RBFOX3: variants seen among roughly 807,000 people sequenced by gnomAD.
RBFOX3 encodes RNA binding protein fox-1 homolog 3.
A neutral mutation model predicts 48.7 loss-of-function variants in RBFOX3; 17 were observed. That is an observed-to-expected ratio of 0.35 (90% CI 0.24 to 0.52). RBFOX3 has a LOEUF of 0.52. Among genes scored for constraint, RBFOX3 ranks in the 20% least tolerant of loss-of-function variants. The pLI is 0.94. For synonymous variants in RBFOX3, 212 were observed against 209.5 expected, an observed-to-expected ratio of 1.01 and a Z score of -0.10; for missense variants, 382 against 497.5, an observed-to-expected ratio of 0.77 and a Z score of 2.21.
intron 12 of RBFOX3, among the ~76,000 whole-genome samples, 163 bp from the exon 13 acceptor site, chr17:79,095,737 C>T (rs943964035): frequency 3.9e-5 from 6 of 152,208 alleles, no homozygotes; most frequent in Non-Finnish European, 8.8e-5. Context: ...TAGGTGGTAC[C>T]TGGCCTGGGC....
rs1028595370 is a variant in RBFOX3 at position 79,363,734 on chromosome 17, G to C, written c.-174-55910C>G. Among the ~76,000 whole-genome samples the C allele has an allele frequency of 6.6e-6, 1 of 151,932 alleles. No homozygotes were observed. The highest frequency in any genetic ancestry group is 1.5e-5 in the Non-Finnish European group (1 of 67,964). On this transcript the variant is annotated intron_variant, in intron 2 of 14. Coordinates refer to ENST00000693108, the MANE Select transcript of RBFOX3 (RefSeq NM_001350451.2). The surrounding 1 kb of genome is among the most constrained non-coding windows in gnomAD (Gnocchi z 4.7). ...CTCCAGAGCCCCCAACACCTCCAGA[G>C]CCCTCCAGCCTCCATGCTCAGCCCG...
rs1164934766 is a variant in RBFOX3, at chr17:79,116,439, TG to T, written c.-33-692del. ...CTGAGGCAGGAGAATCACTTCAACC[TG>T]GGAGGCAGGGGTTGCAGCGAGCCAA... On this transcript the variant is annotated intron_variant, in intron 4 of 14. Transcript: ENST00000693108. 3.3e-5 allele frequency among the ~76,000 whole-genome samples: 5 copies of T among 152,296 alleles called. 1 individual carries two copies. The highest frequency in any genetic ancestry group is 1.2e-4 in the African/African-American group (5 of 41,572).
intron 3 of RBFOX3, among the ~76,000 whole-genome samples, chr17:79,244,657 C>G (rs2062872786): frequency 6.6e-6 from 1 of 152,112 alleles, no homozygotes. Flanking sequence ...TGATGTTATT[C>G]CTGACCACAC....
At chr17:79,416,543 C>T (rs554727034) in intron 2 of RBFOX3, among the ~76,000 whole-genome samples, 2 of 152,366 alleles carry the variant, frequency 1.3e-5, no homozygotes, top group African/African-American at 2.4e-5. Flanking sequence ...CCTGCGATGG[C>T]GTGACCAGAG....
At chr17:79,359,211 T>TG (rs2085825503) in intron 2 of RBFOX3, among the ~76,000 whole-genome samples, 1 of 152,234 alleles carries the variant, frequency 6.6e-6, no homozygotes, top group East Asian at 1.9e-4. Context: ...GCTGAGGGGC[T>TG]TGGCTGACTG....
chr17:79,474,054 T>A (rs1294779874), intron 2 of RBFOX3, among the ~76,000 whole-genome samples: 1 of 151,478 alleles, frequency 6.6e-6, no homozygotes, highest in Non-Finnish European at 1.5e-5. Flanking sequence ...AAATCCTCAC[T>A]CGTCCATTCA....
At chr17:79,333,474 G>A (rs2080718760) in intron 2 of RBFOX3, among the ~76,000 whole-genome samples, 1 of 152,166 alleles carries the variant, frequency 6.6e-6, no homozygotes, top group South Asian at 2.1e-4. Context: ...TGGAGACCGA[G>A]TACAGTATAA....
chr17:79,563,667 G>A (rs1230211762), intron 1 of RBFOX3, among the ~76,000 whole-genome samples: 1 of 152,148 alleles, frequency 6.6e-6, no homozygotes, highest in Non-Finnish European at 1.5e-5. Flanking sequence ...AGTAGAATAG[G>A]TCTTCTCTTG....
intron 2 of RBFOX3, among the ~76,000 whole-genome samples, chr17:79,426,018 A>C (rs1256828068): frequency 6.6e-6 from 1 of 151,848 alleles, no homozygotes; most frequent in African/African-American, 2.4e-5. Context: ...GTGGAGGGGG[A>C]GAGAGCAAGG....
intron 2 of RBFOX3, among the ~76,000 whole-genome samples, chr17:79,384,983 A>G (rs1471200462): frequency 6.6e-6 from 1 of 152,234 alleles, no homozygotes; most frequent in African/African-American, 2.4e-5. Flanking sequence ...AGGTCCCTGG[A>G]GCCTCATCAG....
intron 2 of RBFOX3, among the ~76,000 whole-genome samples, chr17:79,461,340 T>C (rs1422162234): frequency 6.6e-6 from 1 of 152,230 alleles, no homozygotes; most frequent in Non-Finnish European, 1.5e-5. Context: ...TTCACATTCT[T>C]TCTGTTCTGC....
the RBFOX3 span, among the ~76,000 whole-genome samples, chr17:79,656,270 CAG>C: frequency 1.8e-4 from 28 of 152,312 alleles, no homozygotes; most frequent in Admixed American, 1.4e-3. Flanking sequence ...GTCTCCAAAG[CAG>C]CCATTGACAA....
chr17:79,116,085 G>A (rs986502650), intron 4 of RBFOX3, among the ~76,000 whole-genome samples: 1 of 152,170 alleles, frequency 6.6e-6, no homozygotes, highest in Non-Finnish European at 1.5e-5. Flanking sequence ...CTGTAGGCTC[G>A]TGCAGCTGTA....
At chr17:79,470,188 G>A (rs1373177198) in intron 2 of RBFOX3, among the ~76,000 whole-genome samples, 2 of 152,174 alleles carry the variant, frequency 1.3e-5, no homozygotes, top group East Asian at 1.9e-4. Context: ...GAATAGTTGT[G>A]TGCTTCAATA....
chr17:79,500,250 C>CTTTT (rs1222646327), intron 1 of RBFOX3, among the ~76,000 whole-genome samples: 42 of 104,238 alleles, frequency 4.0e-4, no homozygotes, highest in African/African-American at 1.2e-3. Context: ...AGAGAAATGA[C>CTTTT]TTTTTTTTTT....
At chr17:79,465,486 C>T (rs2076189462) in intron 2 of RBFOX3, among the ~76,000 whole-genome samples, 1 of 152,124 alleles carries the variant, frequency 6.6e-6, no homozygotes, top group African/African-American at 2.4e-5. Context: ...TACCAGCCTC[C>T]TGGCAATCTG....
At chr17:79,125,118 G>A (rs758774683) in intron 4 of RBFOX3, among the ~76,000 whole-genome samples, 1 of 152,254 alleles carries the variant, frequency 6.6e-6, no homozygotes, top group African/African-American at 2.4e-5. Flanking sequence ...CCGGGAATGA[G>A]CGAGCCACCT....
At chr17:79,621,416 C>A in the RBFOX3 span, among the ~76,000 whole-genome samples, 4 of 150,460 alleles carry the variant, frequency 2.7e-5, no homozygotes, top group Non-Finnish European at 5.9e-5. Context: ...GCCAACGATA[C>A]CCAGCGAGGG....
the RBFOX3 span, among the ~76,000 whole-genome samples, chr17:79,641,984 A>G: frequency 6.6e-6 from 1 of 152,172 alleles, no homozygotes; most frequent in Non-Finnish European, 1.5e-5. Flanking sequence ...TGCTTCCTGT[A>G]CAACCTGCAG....
Sources: allele counts gnomAD v4.1 joint callset (sites outside exome capture counted in the v4.1 genomes callset), GRCh38; gene constraint gnomAD v4.1.1; non-coding constraint Gnocchi (gnomAD v3.1); transcripts MANE v1.5; gene names NCBI Gene and HGNC (gene_info 2026-07-23, HGNC 2026-07-21).